Variants in AGBL1 observed in about 807,000 individuals in gnomAD.
AGBL1 encodes the protein AGBL carboxypeptidase 1.
AGBL1 carries 130 observed loss-of-function variants against 118.9 expected under a neutral mutation model. That is an observed-to-expected ratio of 1.09 (90% CI 0.95 to 1.26). The LOEUF (loss-of-function observed/expected upper bound fraction) is 1.26. Among genes scored for constraint, AGBL1 ranks in the 50% most tolerant of loss-of-function variants. AGBL1 has a pLI of 0.00. For missense variants in AGBL1, 1,584 were observed against 1,298.1 expected, an observed-to-expected ratio of 1.22 and a Z score of -3.38; for synonymous variants, 555 against 478.9, an observed-to-expected ratio of 1.16 and a Z score of -2.08.
rs532621461 is a variant in AGBL1, at chr15:86,086,749, T to C, written c.51+6726T>C. 2.6e-5 allele frequency among the ~76,000 whole-genome samples: 4 copies of C among 152,318 alleles called. No individual in the cohort carries two copies. The East Asian group carries it at 7.7e-4, about 29-fold the overall frequency. On this transcript the variant is annotated intron_variant, in intron 1 of 22. Coordinates refer to ENST00000614907, the MANE Select transcript of AGBL1 (RefSeq NM_001386094.1). ...CAAATAAGTTGCTTAAATTTGTGCA[T>C]ATAAGTTGCTTAACTTTGTGCGATT...
chr15:86,935,936 G>T (rs957939864), intron 23 of AGBL1, among the ~76,000 whole-genome samples: 1 of 152,218 alleles, frequency 6.6e-6, no homozygotes, highest in Non-Finnish European at 1.5e-5. Context: ...CAAAAGATTC[G>T]CAACTGCAGC....
intron 21 of AGBL1, among the ~76,000 whole-genome samples, chr15:86,577,925 C>G (rs1396132304): frequency 1.3e-5 from 2 of 152,184 alleles, no homozygotes; most frequent in African/African-American, 2.4e-5. Context: ...GGGCAGGGCT[C>G]TCATGGAAAA....
chr15:86,920,793 C>G (rs934617148), downstream of AGBL1, among the ~76,000 whole-genome samples: 2 of 152,144 alleles, frequency 1.3e-5, no homozygotes, highest in Non-Finnish European at 2.9e-5. Context: ...AAGTACAGCT[C>G]CAGGTTTATG....
chr15:86,714,883 C>T (rs2086614662), intron 22 of AGBL1, among the ~76,000 whole-genome samples: 1 of 152,160 alleles, frequency 6.6e-6, no homozygotes, highest in Non-Finnish European at 1.5e-5. Flanking sequence ...TGATGTCTCC[C>T]AGCAGGCATG....
intron 22 of AGBL1, among the ~76,000 whole-genome samples, chr15:86,827,318 CACACACAT>C (rs2079026822): frequency 8.8e-5 from 1 of 11,300 alleles, no homozygotes; most frequent in African/African-American, 2.2e-4. Context: ...TATATATATA[CACACACAT>C]ATATATATAT....
chr15:87,018,320 T>C (rs145332682), intron 24 of AGBL1, among the ~76,000 whole-genome samples: 33 of 152,190 alleles, frequency 2.2e-4, no homozygotes, highest in African/African-American at 7.5e-4. Flanking sequence ...ATCATCGGAT[T>C]CTCTAAGGTC....
intron 21 of AGBL1, among the ~76,000 whole-genome samples, chr15:86,582,927 G>T (rs908895738): frequency 1.3e-5 from 2 of 151,122 alleles, no homozygotes; most frequent in African/African-American, 4.9e-5. Context: ...CGAGTTAATG[G>T]GTGCAGCACA....
intron 22 of AGBL1, among the ~76,000 whole-genome samples, chr15:86,855,777 C>A (rs2079471167): frequency 6.6e-6 from 1 of 152,152 alleles, no homozygotes; most frequent in African/African-American, 2.4e-5. Context: ...CTGCTCAATT[C>A]CAAGGGGAGG....
intron 20 of AGBL1, among the ~76,000 whole-genome samples, chr15:86,546,643 C>A (rs979946050): frequency 2.0e-5 from 3 of 152,156 alleles, no homozygotes; most frequent in African/African-American, 7.2e-5. Flanking sequence ...CATCTCTCTG[C>A]ATGAGAATTC....
chr15:87,019,239 A>G (rs1347557056), intron 24 of AGBL1, among the ~76,000 whole-genome samples: 1 of 152,162 alleles, frequency 6.6e-6, no homozygotes, highest in Non-Finnish European at 1.5e-5. Context: ...AAAGATACTC[A>G]GAACCTGAAC....
chr15:86,729,932 C>G (rs2077505665), intron 22 of AGBL1, among the ~76,000 whole-genome samples: 1 of 152,150 alleles, frequency 6.6e-6, no homozygotes, highest in Admixed American at 6.5e-5. Context: ...TCAGCAACAT[C>G]TGTTATTTTT....
At chr15:86,818,326 G>C (rs2078894139) in intron 22 of AGBL1, among the ~76,000 whole-genome samples, 1 of 152,198 alleles carries the variant, frequency 6.6e-6, no homozygotes, top group South Asian at 2.1e-4. Flanking sequence ...GGGCCAGTGA[G>C]CATGACCAGC....
At chr15:86,107,182 G>C (rs1028132918) in intron 1 of AGBL1, among the ~76,000 whole-genome samples, 29 of 152,138 alleles carry the variant, frequency 1.9e-4, no homozygotes, top group African/African-American at 7.0e-4. Flanking sequence ...CAAGTTCATG[G>C]GCGACCACAG....
At chr15:86,569,511 T>C (rs2083970737) in intron 21 of AGBL1, among the ~76,000 whole-genome samples, 1 of 152,216 alleles carries the variant, frequency 6.6e-6, no homozygotes, top group Non-Finnish European at 1.5e-5. Flanking sequence ...CCTTATTAAC[T>C]GCAATTCAAG....
intron 22 of AGBL1, among the ~76,000 whole-genome samples, chr15:86,847,495 T>G (rs1341126747): frequency 1.3e-5 from 2 of 152,262 alleles, no homozygotes; most frequent in Non-Finnish European, 2.9e-5. Context: ...CATAGGTGGC[T>G]GCTGTTGTTT....
intron 23 of AGBL1, among the ~76,000 whole-genome samples, chr15:86,966,035 A>C (rs893281084): frequency 4.6e-5 from 7 of 151,896 alleles, no homozygotes; most frequent in African/African-American, 1.7e-4. Flanking sequence ...GAAATAATAG[A>C]CAGTTTATCT....
chr15:86,353,923 C>G (rs1044453015), intron 17 of AGBL1, among the ~76,000 whole-genome samples: 5 of 152,092 alleles, frequency 3.3e-5, no homozygotes, highest in Non-Finnish European at 5.9e-5. Flanking sequence ...CTTGATATAT[C>G]CTTGAAAAAG....
At chr15:86,975,615 T>C (rs890853610) in intron 23 of AGBL1, among the ~76,000 whole-genome samples, 2 of 152,126 alleles carry the variant, frequency 1.3e-5, no homozygotes, top group African/African-American at 2.4e-5. Context: ...CAGCAAATAT[T>C]TGCAATGTTT....
intron 18 of AGBL1, among the ~76,000 whole-genome samples, chr15:86,469,708 G>A (rs1001113947): frequency 6.6e-6 from 1 of 151,676 alleles, no homozygotes; most frequent in African/African-American, 2.4e-5. Flanking sequence ...GTATACAAAG[G>A]GTATTTTTCC....
Sources: allele counts gnomAD v4.1 joint callset (sites outside exome capture counted in the v4.1 genomes callset), GRCh38; gene constraint gnomAD v4.1.1; transcripts MANE v1.5; gene names NCBI Gene and HGNC (gene_info 2026-07-23, HGNC 2026-07-21).